The following PPARGC1A variants were observed in gnomAD, a reference collection of about 807,000 sequenced individuals.
PPARGC1A encodes peroxisome proliferator-activated receptor gamma coactivator 1-alpha.
In PPARGC1A, 25 loss-of-function variants were observed where a neutral mutation model predicts 88.7. The observed-to-expected ratio is 0.28, with a 90% confidence interval of 0.21 to 0.39. PPARGC1A has a LOEUF of 0.39. PPARGC1A is among the 10% of genes least tolerant of loss of function. The pLI, the probability that PPARGC1A is intolerant of heterozygous loss-of-function variation, is 1.00. For missense variants in PPARGC1A, 880 were observed against 968.7 expected (o/e 0.91, Z 1.22); for synonymous variants, 363 against 355.6 (o/e 1.02, Z -0.24).
chr4:24,361,084 C>A, the PPARGC1A span, among the ~76,000 whole-genome samples: 1 of 152,086 alleles, frequency 6.6e-6, no homozygotes, highest in African/African-American at 2.4e-5. Context: ...ATTCAGGTGA[C>A]CACTTGCTCC....
chr4:24,285,296 A>G, the PPARGC1A span, among the ~76,000 whole-genome samples: 46,245 of 152,062 alleles, frequency 0.3, 7,348 homozygotes, highest in South Asian at 0.41. Flanking sequence ...TATGTTCTAG[A>G]TAAGTAAGAA....
chr4:23,833,551 C>T (rs1725435987), intron 2 of PPARGC1A, among the ~76,000 whole-genome samples: 1 of 152,206 alleles, frequency 6.6e-6, no homozygotes, highest in Non-Finnish European at 1.5e-5. Flanking sequence ...TAGCACTGAA[C>T]TCCAGTTAAT....
the PPARGC1A span, among the ~76,000 whole-genome samples, chr4:24,340,225 A>G: frequency 6.6e-6 from 1 of 152,226 alleles, no homozygotes; most frequent in African/African-American, 2.4e-5. Flanking sequence ...CTATAGAGAT[A>G]TAGCACTTTA....
At chr4:24,351,869 A>T in the PPARGC1A span, among the ~76,000 whole-genome samples, 1 of 152,074 alleles carries the variant, frequency 6.6e-6, no homozygotes, top group African/African-American at 2.4e-5. Flanking sequence ...TCCTACAGTC[A>T]ACAAAGAAGA....
At chr4:24,069,167 G>C in the PPARGC1A span, among the ~76,000 whole-genome samples, 1 of 152,074 alleles carries the variant, frequency 6.6e-6, no homozygotes, top group East Asian at 1.9e-4. Flanking sequence ...AAAGCTTCAG[G>C]GTCTTGCATA....
At chr4:24,200,655 C>CAAA in the PPARGC1A span, among the ~76,000 whole-genome samples, 25 of 88,316 alleles carry the variant, frequency 2.8e-4, no homozygotes, top group Admixed American at 1.2e-3. Flanking sequence ...ATTTATTAAG[C>CAAA]AAAAAAAAAA....
At chr4:24,165,546 C>A in the PPARGC1A span, among the ~76,000 whole-genome samples, 1 of 152,204 alleles carries the variant, frequency 6.6e-6, no homozygotes, top group Admixed American at 6.5e-5. Flanking sequence ...TGTGGCAACA[C>A]TGCAATGAGC....
chr4:23,806,260 A>T (rs544759742), intron 10 of PPARGC1A, among the ~76,000 whole-genome samples: 1 of 152,332 alleles, frequency 6.6e-6, no homozygotes, highest in South Asian at 2.1e-4. Context: ...ATGAAAATAA[A>T]AGGCATCCAA....
chr4:23,860,165 G>A (rs1184385381), intron 2 of PPARGC1A, among the ~76,000 whole-genome samples: 1 of 152,022 alleles, frequency 6.6e-6, no homozygotes, highest in African/African-American at 2.4e-5. Flanking sequence ...CTAGCTATAT[G>A]GAAGGCTGAG....
At chr4:23,830,284 A>G (rs1400825872) in intron 3 of PPARGC1A, among the ~76,000 whole-genome samples, 1 of 152,214 alleles carries the variant, frequency 6.6e-6, no homozygotes, top group Non-Finnish European at 1.5e-5. Flanking sequence ...CCTGTGGATC[A>G]GGAGATGTGG....
At chr4:23,969,976 A>C in the PPARGC1A span, among the ~76,000 whole-genome samples, 6 of 152,198 alleles carry the variant, frequency 3.9e-5, no homozygotes, top group Non-Finnish European at 8.8e-5. Flanking sequence ...CATTCTATCC[A>C]ACATGCCAAA....
the PPARGC1A span, among the ~76,000 whole-genome samples, chr4:24,169,645 G>A: frequency 6.6e-6 from 1 of 152,040 alleles, no homozygotes; most frequent in African/African-American, 2.4e-5. Context: ...CGAGGTGGGT[G>A]GATCACCTGA....
At chr4:24,239,318 A>C in the PPARGC1A span, among the ~76,000 whole-genome samples, 1 of 152,346 alleles carries the variant, frequency 6.6e-6, no homozygotes, top group African/African-American at 2.4e-5. Context: ...TGCTATAAAC[A>C]AGGCAAAACT....
chr4:24,443,543 TTTTG>T, the PPARGC1A span, among the ~76,000 whole-genome samples: 11 of 145,684 alleles, frequency 7.6e-5, no homozygotes, highest in Admixed American at 6.9e-4. Context: ...GGCTTTTGGT[TTTTG>T]TTTGTTTTTG....
At chr4:24,047,169 T>C in the PPARGC1A span, among the ~76,000 whole-genome samples, 1,541 of 152,352 alleles carry the variant, frequency 0.01, 21 homozygotes, top group African/African-American at 0.035. Context: ...TCGTTCCTCC[T>C]GGACTTTGGT....
chr4:24,077,646 T>A, the PPARGC1A span, among the ~76,000 whole-genome samples: 1 of 148,834 alleles, frequency 6.7e-6, no homozygotes, highest in East Asian at 2.0e-4. Flanking sequence ...TGTGTGTGTG[T>A]GTGTGTGTGT....
chr4:24,315,263 T>C, the PPARGC1A span, among the ~76,000 whole-genome samples: 2 of 152,120 alleles, frequency 1.3e-5, no homozygotes, highest in Non-Finnish European at 2.9e-5. Flanking sequence ...TAGAAAAGAA[T>C]GTTAAGATGG....
At chr4:24,456,690 T>A in the PPARGC1A span, among the ~76,000 whole-genome samples, 1 of 151,846 alleles carries the variant, frequency 6.6e-6, no homozygotes, top group South Asian at 2.1e-4. Flanking sequence ...TATCATGGGA[T>A]CTCTCAGCTG....
the PPARGC1A span, among the ~76,000 whole-genome samples, chr4:24,418,182 CA>C: frequency 1.3e-5 from 2 of 152,158 alleles, no homozygotes; most frequent in South Asian, 4.2e-4. Flanking sequence ...TCCAGAGTTC[CA>C]GCTTCTTTGT....
Sources: gnomAD v4.1 joint callset for allele counts (sites outside exome capture counted in the v4.1 genomes callset) on GRCh38, gnomAD v4.1.1 for gene constraint, MANE v1.5 for transcripts, NCBI Gene and HGNC (gene_info 2026-07-23, HGNC 2026-07-21) for gene names.